Variants in SLC25A21 observed in about 807,000 individuals in gnomAD.
The protein encoded by SLC25A21 is solute carrier family 25 member 21.
A neutral mutation model predicts 43.8 loss-of-function variants in SLC25A21; 47 were observed. The ratio of observed to expected loss-of-function variants is 1.07; its 90% confidence interval spans 0.85 to 1.37. The LOEUF (loss-of-function observed/expected upper bound fraction) is 1.37. Ranked by LOEUF, SLC25A21 falls within the 40% of genes most tolerant of loss-of-function variation. SLC25A21 has a pLI of 0.00. For missense variants in SLC25A21, 352 were observed against 350.2 expected, an observed-to-expected ratio of 1.00 and a Z score of -0.04; for synonymous variants, 131 against 121.3, an observed-to-expected ratio of 1.08 and a Z score of -0.52.
chr14:36,843,790 C>T (rs535219612), intron 2 of SLC25A21, among the ~76,000 whole-genome samples: 1 of 152,302 alleles, frequency 6.6e-6, no homozygotes, highest in Non-Finnish European at 1.5e-5. Context: ...ATGTTCAGTA[C>T]ACATCCAAAT....
At chr14:37,056,028 C>G (rs1961817976) in intron 1 of SLC25A21, among the ~76,000 whole-genome samples, 1 of 152,046 alleles carries the variant, frequency 6.6e-6, no homozygotes. Flanking sequence ...CTCACGAGAT[C>G]TTGTTTGAAA....
chr14:36,841,711 T>C (rs1259165181), intron 2 of SLC25A21, among the ~76,000 whole-genome samples: 1 of 152,148 alleles, frequency 6.6e-6, no homozygotes, highest in Non-Finnish European at 1.5e-5. Flanking sequence ...GAACGTACGG[T>C]GGTTCCCTAT....
intron 3 of SLC25A21, among the ~76,000 whole-genome samples, chr14:36,775,776 T>G (rs1004034564): frequency 3.9e-5 from 6 of 152,328 alleles, no homozygotes; most frequent in Middle Eastern, 3.4e-3. Context: ...TTAATGAGGA[T>G]TTAAGTTCTT....
intron 1 of SLC25A21, among the ~76,000 whole-genome samples, chr14:36,920,048 AAAATGTAGCTGAAG>A (rs1375429112): frequency 6.6e-6 from 1 of 152,122 alleles, no homozygotes; most frequent in Non-Finnish European, 1.5e-5. Flanking sequence ...ACACAAATAC[AAAATGTAGCTGAAG>A]AAGCAAGTTT....
intron 1 of SLC25A21, among the ~76,000 whole-genome samples, chr14:37,055,473 C>T (rs1468623000): frequency 6.6e-6 from 1 of 152,150 alleles, no homozygotes; most frequent in East Asian, 1.9e-4. Context: ...TTAGCAGCTT[C>T]CTTGACCCAA....
At chr14:36,946,353 T>C (rs1341825095) in intron 1 of SLC25A21, among the ~76,000 whole-genome samples, 1 of 152,180 alleles carries the variant, frequency 6.6e-6, no homozygotes, top group Non-Finnish European at 1.5e-5. Context: ...GTAGCCATCA[T>C]TTGTACAGGA....
chr14:36,825,999 A>AAGTGT (rs1391460778), intron 2 of SLC25A21, among the ~76,000 whole-genome samples: 1 of 152,188 alleles, frequency 6.6e-6, no homozygotes, highest in Non-Finnish European at 1.5e-5. Flanking sequence ...AAAGAGCAAA[A>AAGTGT]AGTGTTCTCA....
chr14:36,800,939 T>C (rs1887849281), intron 3 of SLC25A21, among the ~76,000 whole-genome samples: 1 of 152,170 alleles, frequency 6.6e-6, no homozygotes, highest in African/African-American at 2.4e-5. Context: ...GGTGTTTTCC[T>C]CCAAAGATGG....
chr14:36,998,306 T>C (rs555050392), intron 1 of SLC25A21, among the ~76,000 whole-genome samples: 4 of 152,280 alleles, frequency 2.6e-5, no homozygotes, highest in South Asian at 2.1e-4. Context: ...CTCTCAAATT[T>C]AGAGTAACAG....
chr14:36,716,959 G>C (rs1884166470), intron 6 of SLC25A21, among the ~76,000 whole-genome samples: 1 of 152,216 alleles, frequency 6.6e-6, no homozygotes, highest in Non-Finnish European at 1.5e-5. Flanking sequence ...AAAGCCAATG[G>C]AATACGGGTG....
chr14:37,058,303 G>T (rs991098430), intron 1 of SLC25A21, among the ~76,000 whole-genome samples: 1 of 152,174 alleles, frequency 6.6e-6, no homozygotes, highest in African/African-American at 2.4e-5. Flanking sequence ...CCATTAGGAT[G>T]ATCCTCACTC....
At chr14:36,934,987 G>T (rs192486321) in intron 1 of SLC25A21, among the ~76,000 whole-genome samples, 120 of 151,034 alleles carry the variant, frequency 7.9e-4, no homozygotes, top group Middle Eastern at 7.0e-3. Flanking sequence ...TAAAACCTGT[G>T]GTTCTTTATC....
chr14:36,957,687 C>T (rs1959376337), intron 1 of SLC25A21, among the ~76,000 whole-genome samples: 1 of 152,214 alleles, frequency 6.6e-6, no homozygotes, highest in African/African-American at 2.4e-5. Flanking sequence ...ATTTCAAATG[C>T]AGCCGCTGGT....
intron 2 of SLC25A21, among the ~76,000 whole-genome samples, chr14:36,820,072 C>T (rs1888576659): frequency 6.6e-6 from 1 of 152,106 alleles, no homozygotes; most frequent in African/African-American, 2.4e-5. Flanking sequence ...CTGATGGAGA[C>T]TGGCAGTGGG....
At chr14:36,956,226 T>C (rs916401096) in intron 1 of SLC25A21, among the ~76,000 whole-genome samples, 25 of 152,186 alleles carry the variant, frequency 1.6e-4, no homozygotes, top group Non-Finnish European at 2.8e-4. Flanking sequence ...TTATATCCTT[T>C]CCCCGTCTGC....
At chr14:36,835,218 A>AGATAATG (rs1248617413) in intron 2 of SLC25A21, among the ~76,000 whole-genome samples, 1 of 152,246 alleles carries the variant, frequency 6.6e-6, no homozygotes, top group Non-Finnish European at 1.5e-5. Context: ...GAGGCTGCAC[A>AGATAATG]GATAATGAAC....
intron 1 of SLC25A21, among the ~76,000 whole-genome samples, chr14:37,032,254 A>G (rs10148097): frequency 0.48 from 73,416 of 151,972 alleles, 20,597 homozygotes; most frequent in African/African-American, 0.79. Flanking sequence ...AATGAATCCA[A>G]GCTGGGCGCG....
At chr14:36,922,430 C>A (rs1892006798) in intron 1 of SLC25A21, among the ~76,000 whole-genome samples, 1 of 151,886 alleles carries the variant, frequency 6.6e-6, no homozygotes, top group South Asian at 2.1e-4. Flanking sequence ...TGAATTGAGA[C>A]AAAGATTAGA....
chr14:36,874,087 C>T (rs994685442), intron 2 of SLC25A21, among the ~76,000 whole-genome samples: 6 of 152,358 alleles, frequency 3.9e-5, no homozygotes, highest in South Asian at 2.1e-4. Flanking sequence ...CTCTTGCTTT[C>T]AGCAACCAGC....
Sources: allele counts gnomAD v4.1 joint callset (sites outside exome capture counted in the v4.1 genomes callset), GRCh38; gene constraint gnomAD v4.1.1; transcripts MANE v1.5; gene names NCBI Gene and HGNC (gene_info 2026-07-23, HGNC 2026-07-21).